OR10D3: variants seen among roughly 807,000 people sequenced by gnomAD.
OR10D3 encodes olfactory receptor 10D3.
For missense variants in OR10D3, 286 were observed against 153.7 expected (o/e 1.86, Z -4.55); for synonymous variants, 100 against 57.6 (o/e 1.74, Z -3.33).
chr11:124,186,341 C>T, exon 2 of OR10D3: 1 of 596,336 alleles, frequency 1.7e-6, no homozygotes, highest in South Asian at 2.1e-5. Flanking sequence ...GACCATTATG[C>T]TATATATAAT....
exon 2 of OR10D3, chr11:124,186,368 A>G: frequency 2.0e-6 from 1 of 511,176 alleles, no homozygotes; most frequent in Non-Finnish European, 3.4e-6. Flanking sequence ...TCTTTTTGCA[A>G]TATTTTATTT....
intron 1 of OR10D3, chr11:124,184,353 A>G (rs1337698068): frequency 6.6e-6 from 1 of 152,218 alleles, no homozygotes; most frequent in Non-Finnish European, 1.5e-5. Context: ...CACTGAGAGT[A>G]TAATCGTAAA....
chr11:124,187,273 T>TA (rs1861237130), exon 2 of OR10D3: 1 of 152,200 alleles, frequency 6.6e-6, no homozygotes, highest in East Asian at 1.9e-4. Flanking sequence ...GATCATTTCA[T>TA]TACCTACCAA....
At chr11:124,183,494 T>A (rs1401094116) in intron 1 of OR10D3, 111 bp downstream of exon 1, 1 of 151,684 alleles carries the variant, frequency 6.6e-6, no homozygotes, top group East Asian at 1.9e-4. Context: ...CTCTTTCTTT[T>A]TTTTTCTTTC....
exon 2 of OR10D3, chr11:124,186,672 G>GT (rs201311855): frequency 0.013 from 1,935 of 151,162 alleles, 27 homozygotes; most frequent in African/African-American, 0.041. Context: ...AAGATGCAGT[G>GT]TTTTTTTTTC....
chr11:124,187,975 A>C (rs1431277035), exon 2 of OR10D3: 1 of 152,212 alleles, frequency 6.6e-6, no homozygotes, highest in Non-Finnish European at 1.5e-5. Flanking sequence ...AATGCTTAAA[A>C]ATCTTTCCAA....
At chr11:124,185,046 A>G (rs1374144756) in intron 1 of OR10D3, among the ~76,000 whole-genome samples, 6 of 152,342 alleles carry the variant, frequency 3.9e-5, no homozygotes, top group Non-Finnish European at 8.8e-5. Flanking sequence ...TCGAATAAGT[A>G]TAACAAAAAT....
At chr11:124,187,086 T>G (rs1446738444) in exon 2 of OR10D3, 1 of 152,186 alleles carries the variant, frequency 6.6e-6, no homozygotes, top group Non-Finnish European at 1.5e-5. Context: ...GGAGAAAGTT[T>G]GAAAGCTTCT....
At chr11:124,187,100 C>T (rs1861235138) in exon 2 of OR10D3, 1 of 152,092 alleles carries the variant, frequency 6.6e-6, no homozygotes, top group Admixed American at 6.5e-5. Flanking sequence ...AGCTTCTGGA[C>T]TTTTTGATCT....
At chr11:124,185,899 C>T (rs1861219385) in exon 2 of OR10D3, 1 of 703,158 alleles carries the variant, frequency 1.4e-6, no homozygotes, top group African/African-American at 1.7e-5. Context: ...CTCTTGTCTG[C>T]TTTCTGCTAA....
At chr11:124,187,899 T>C (rs1425938429) in exon 2 of OR10D3, 6 of 152,246 alleles carry the variant, frequency 3.9e-5, no homozygotes, top group African/African-American at 1.4e-4. Flanking sequence ...GTTCCCATTT[T>C]ACTGTGAGAG....
At chr11:124,187,880 T>C (rs1035817397) in exon 2 of OR10D3, 1 of 152,236 alleles carries the variant, frequency 6.6e-6, no homozygotes, top group Non-Finnish European at 1.5e-5. Context: ...CTTTGATATT[T>C]GTGCTATTGT....
chr11:124,187,124 T>C (rs777639181), exon 2 of OR10D3: 4 of 152,256 alleles, frequency 2.6e-5, no homozygotes, highest in Non-Finnish European at 4.4e-5. Flanking sequence ...GGGTACCTTG[T>C]AAGATTAAAA....
chr11:124,186,363 T>TTGCAATA, exon 2 of OR10D3: 1 of 515,292 alleles, frequency 1.9e-6, no homozygotes, highest in Non-Finnish European at 3.4e-6. Flanking sequence ...CATTATCTTT[T>TTGCAATA]TGCAATATTT....
exon 2 of OR10D3, chr11:124,185,337 T>C: frequency 1.4e-6 from 1 of 703,394 alleles, no homozygotes; most frequent in Non-Finnish European, 2.6e-6. Flanking sequence ...ACAGAGGGGC[T>C]GGAGATGACA....
At chr11:124,186,128 A>G (rs991874925) in exon 2 of OR10D3, 28 of 702,926 alleles carry the variant, frequency 4.0e-5, no homozygotes, top group Non-Finnish European at 6.2e-5. Context: ...GAACCCTTTG[A>G]TCTATACCTT....
chr11:124,187,500 G>T (rs1283786582), exon 2 of OR10D3: 2 of 152,094 alleles, frequency 1.3e-5, no homozygotes, highest in Non-Finnish European at 2.9e-5. Flanking sequence ...ACTGCCTAGG[G>T]TACACATAAT....
exon 2 of OR10D3, chr11:124,188,057 C>T (rs1273906750): frequency 6.6e-6 from 1 of 152,108 alleles, no homozygotes; most frequent in Non-Finnish European, 1.5e-5. Context: ...ATCTTACATC[C>T]AAGATAAAGA....
chr11:124,187,754 TA>T (rs775974217), exon 2 of OR10D3: 1 of 152,220 alleles, frequency 6.6e-6, no homozygotes, highest in Non-Finnish European at 1.5e-5. Context: ...ATTTGTGCCT[TA>T]AATTTCTGTC....
Sources: allele counts gnomAD v4.1 joint callset (sites outside exome capture counted in the v4.1 genomes callset), GRCh38; gene constraint gnomAD v4.1.1; transcripts MANE v1.5; gene names NCBI Gene and HGNC (gene_info 2026-07-23, HGNC 2026-07-21).